Variants in RASGRF2 observed in about 807,000 individuals in gnomAD.
The protein encoded by RASGRF2 is ras-specific guanine nucleotide-releasing factor 2.
Under a neutral mutation model 151.0 loss-of-function variants are expected in RASGRF2, and 76 were observed. The ratio of observed to expected loss-of-function variants is 0.50; its 90% CI spans 0.42 to 0.61. The LOEUF (loss-of-function observed/expected upper bound fraction) is 0.61, where lower values mean the gene tolerates loss of function less well. Ranked by LOEUF, RASGRF2 falls within the 20% of genes least tolerant of loss-of-function variation. RASGRF2 has a pLI of 0.00. For synonymous variants in RASGRF2, 504 were observed against 566.5 expected (o/e 0.89, Z 1.57); for missense variants, 1,148 against 1,564.6 (o/e 0.73, Z 4.49).
At chr5:80,964,208 T>C (rs766305632) in intron 1 of RASGRF2, among the ~76,000 whole-genome samples, 10 of 152,150 alleles carry the variant, frequency 6.6e-5, no homozygotes, top group Non-Finnish European at 1.2e-4. Flanking sequence ...GGGATAGCAA[T>C]GGTGATATAA....
intron 9 of RASGRF2, among the ~76,000 whole-genome samples, chr5:81,090,441 C>T (rs779956966): frequency 1.3e-5 from 2 of 152,136 alleles, no homozygotes; most frequent in East Asian, 1.9e-4. Flanking sequence ...TATTAGCTAG[C>T]GAGGAATCCT....
At chr5:81,093,418 GTT>G (rs551246351) in intron 10 of RASGRF2, among the ~76,000 whole-genome samples, 1 of 151,770 alleles carries the variant, frequency 6.6e-6, no homozygotes, top group East Asian at 1.9e-4. Context: ...TTTGTTTTGT[GTT>G]TTTTTTGTTG....
chr5:81,032,897 C>G (rs1580230176), intron 1 of RASGRF2, among the ~76,000 whole-genome samples: 1 of 152,044 alleles, frequency 6.6e-6, no homozygotes, highest in Non-Finnish European at 1.5e-5. Context: ...TTTAGAAAAC[C>G]CCATCATCTC....
chr5:80,985,595 ACT>A (rs929509368), intron 1 of RASGRF2, among the ~76,000 whole-genome samples: 18 of 152,130 alleles, frequency 1.2e-4, no homozygotes, highest in Admixed American at 2.6e-4. Context: ...AGAAATGTGT[ACT>A]CTCTAAAAAA....
chr5:81,211,475 C>T (rs1755629726), intron 22 of RASGRF2, among the ~76,000 whole-genome samples: 1 of 152,212 alleles, frequency 6.6e-6, no homozygotes, highest in Non-Finnish European at 1.5e-5. Flanking sequence ...ACCACTTCTT[C>T]CCAGGACAAA....
intron 1 of RASGRF2, among the ~76,000 whole-genome samples, chr5:81,005,521 A>G (rs773805540): frequency 2.8e-4 from 42 of 152,282 alleles, no homozygotes; most frequent in Admixed American, 1.0e-3. Context: ...CAGCCAAACC[A>G]TATCAGTCAG....
intron 18 of RASGRF2, among the ~76,000 whole-genome samples, chr5:81,187,388 AC>A (rs1755048748): frequency 6.6e-6 from 1 of 152,222 alleles, no homozygotes; most frequent in South Asian, 2.1e-4. Flanking sequence ...ACTCAAAGGT[AC>A]CATAGGGAAA....
intron 18 of RASGRF2, among the ~76,000 whole-genome samples, chr5:81,181,514 TGTCTA>T (rs1172383742): frequency 6.6e-6 from 1 of 152,212 alleles, no homozygotes; most frequent in Non-Finnish European, 1.5e-5. Context: ...GCATGAGAAA[TGTCTA>T]GTCTCTTTTC....
At chr5:81,039,569 C>T (rs1750617506) in intron 1 of RASGRF2, among the ~76,000 whole-genome samples, 1 of 152,088 alleles carries the variant, frequency 6.6e-6, no homozygotes. Flanking sequence ...GGATTTTAAA[C>T]TGGCTGTCAT....
intron 2 of RASGRF2, among the ~76,000 whole-genome samples, chr5:81,067,682 A>G (rs915929990): frequency 6.6e-6 from 1 of 152,206 alleles, no homozygotes; most frequent in Non-Finnish European, 1.5e-5. Context: ...CCTGGAAACC[A>G]TGTGCCAGAA....
intron 17 of RASGRF2, among the ~76,000 whole-genome samples, chr5:81,129,163 G>A (rs554550241): frequency 1.3e-5 from 2 of 152,252 alleles, no homozygotes; most frequent in African/African-American, 4.8e-5. Flanking sequence ...TAATAAATCT[G>A]TAAGTGGTTT....
intron 1 of RASGRF2, among the ~76,000 whole-genome samples, chr5:81,020,388 C>T (rs958864057): frequency 3.9e-5 from 6 of 152,122 alleles, no homozygotes; most frequent in African/African-American, 1.2e-4. Context: ...AATCCCTTCT[C>T]TGGATGACTA....
At chr5:80,990,221 T>TG (rs1748605737) in intron 1 of RASGRF2, among the ~76,000 whole-genome samples, 1 of 145,546 alleles carries the variant, frequency 6.9e-6, no homozygotes, top group Non-Finnish European at 1.5e-5. Flanking sequence ...GCCAGATGTT[T>TG]TTTTTTTTTT....
chr5:81,090,215 A>G (rs886670624), intron 9 of RASGRF2, among the ~76,000 whole-genome samples: 1 of 152,202 alleles, frequency 6.6e-6, no homozygotes, highest in African/African-American at 2.4e-5. Context: ...ATAAGCTGGA[A>G]ATGGTTCTTC....
chr5:81,077,704 G>T (rs1397597429), intron 5 of RASGRF2, among the ~76,000 whole-genome samples: 1 of 152,210 alleles, frequency 6.6e-6, no homozygotes, highest in Non-Finnish European at 1.5e-5. Flanking sequence ...GTTTCAACAG[G>T]TCTGATGGCA....
chr5:81,084,008 C>G (rs1029713821), intron 7 of RASGRF2, among the ~76,000 whole-genome samples: 1 of 152,224 alleles, frequency 6.6e-6, no homozygotes, highest in Admixed American at 6.5e-5. Flanking sequence ...GAGCTGACCA[C>G]TTCTCTGCAG....
At chr5:81,104,549 T>A (rs1274364538) in intron 12 of RASGRF2, among the ~76,000 whole-genome samples, 1 of 152,190 alleles carries the variant, frequency 6.6e-6, no homozygotes, top group Non-Finnish European at 1.5e-5. Flanking sequence ...TTTATATAAT[T>A]TCATGGTTTT....
intron 17 of RASGRF2, among the ~76,000 whole-genome samples, chr5:81,133,051 G>A (rs896009728): frequency 6.6e-6 from 1 of 152,050 alleles, no homozygotes; most frequent in African/African-American, 2.4e-5. Flanking sequence ...GAGGGTGGGG[G>A]CATCAGTGAT....
intron 1 of RASGRF2, among the ~76,000 whole-genome samples, chr5:81,000,764 C>A (rs1404969804): frequency 6.6e-6 from 1 of 152,128 alleles, no homozygotes; most frequent in African/African-American, 2.4e-5. Context: ...TGGTTTTGTC[C>A]TATGCATCTC....
Sources: allele counts gnomAD v4.1 joint callset (sites outside exome capture counted in the v4.1 genomes callset), GRCh38; gene constraint gnomAD v4.1.1; transcripts MANE v1.5; gene names NCBI Gene and HGNC (gene_info 2026-07-23, HGNC 2026-07-21).